TMCO5A: variants seen among roughly 807,000 people sequenced by gnomAD.
TMCO5A encodes the protein transmembrane and coiled-coil domain-containing protein 5A.
TMCO5A carries 34 observed loss-of-function variants against 42.3 expected under a neutral mutation model. The ratio of observed to expected loss-of-function variants is 0.80; its 90% CI spans 0.61 to 1.07. The LOEUF is 1.07. TMCO5A is among the 50% of genes least tolerant of loss of function. The pLI is 0.00. For synonymous variants in TMCO5A, 131 were observed against 115.6 expected, an observed-to-expected ratio of 1.13 and a Z score of -0.86; for missense variants, 357 against 327.9, an observed-to-expected ratio of 1.09 and a Z score of -0.69.
At chr15:37,936,704 C>A in intron 3 of TMCO5A, 143 bp from the exon 4 acceptor site, 2 of 1,255,644 alleles carry the variant, frequency 1.6e-6, no homozygotes. Context: ...GGTCTTCCTG[C>A]TTTATGGATT....
chr15:37,952,486 T>C (rs1890185148), downstream of TMCO5A, among the ~76,000 whole-genome samples: 1 of 152,110 alleles, frequency 6.6e-6, no homozygotes, highest in Admixed American at 6.6e-5. Flanking sequence ...GGGAGCCTGC[T>C]ACTTTGAAGA....
chr15:37,978,913 TG>T, the TMCO5A span, among the ~76,000 whole-genome samples: 1 of 151,862 alleles, frequency 6.6e-6, no homozygotes, highest in Non-Finnish European at 1.5e-5. Context: ...GGCATCTTAA[TG>T]GCAGGAGCAG....
chr15:38,007,011 T>G, the TMCO5A span, among the ~76,000 whole-genome samples: 2 of 152,150 alleles, frequency 1.3e-5, no homozygotes, highest in African/African-American at 4.8e-5. Context: ...AAAACTTTAT[T>G]CAGCAATGCT....
At chr15:38,036,904 A>G in the TMCO5A span, among the ~76,000 whole-genome samples, 5 of 152,190 alleles carry the variant, frequency 3.3e-5, no homozygotes, top group African/African-American at 9.7e-5. Flanking sequence ...ACGAGGTGAC[A>G]TGATTGTTAG....
In TMCO5A at chr15:37,951,067, T is replaced by A; in HGVS notation, c.700T>A (p.Phe234Ile). Residue 234 changes from phenylalanine to isoleucine, a missense_variant, in exon 12 of 12, where the codon TTT becomes ATT. Transcript: ENST00000319669. ...IFCCLFFITL[F>I]FIRLLSYMFF... ...TTGCTGTCTCTTTTTCATCACCCTA[T>A]TTTTCATCAGACTGCTGAGCTACAT... 6.2e-7 allele frequency: 1 copy of A among 1,612,756 alleles called. No individual in the cohort carries two copies. The highest frequency in any genetic ancestry group is 8.5e-7 in the Non-Finnish European group (1 of 1,179,848).
chr15:37,960,556 T>C (rs372756978), intron 11 of TMCO5A, among the ~76,000 whole-genome samples: 1 of 152,134 alleles, frequency 6.6e-6, no homozygotes, highest in African/African-American at 2.4e-5. Flanking sequence ...AGTAGTGGAA[T>C]TGCTGGATCA....
At chr15:37,970,814 G>C (rs1052306682), downstream of TMCO5A, among the ~76,000 whole-genome samples, 5 of 151,898 alleles carry the variant, frequency 3.3e-5, no homozygotes, top group African/African-American at 1.2e-4. Flanking sequence ...GATCTCCTTT[G>C]ATTCCATGTC....
At chr15:38,024,681 G>A in the TMCO5A span, 1 of 152,216 alleles carries the variant, frequency 6.6e-6, no homozygotes, top group Non-Finnish European at 1.5e-5. Flanking sequence ...CCCCCTTAAG[G>A]AGATCTCATC....
the TMCO5A span, among the ~76,000 whole-genome samples, chr15:37,991,266 C>T: frequency 6.6e-6 from 1 of 152,256 alleles, no homozygotes; most frequent in South Asian, 2.1e-4. Flanking sequence ...TTTCAACCTA[C>T]AGGACTCCTT....
At chr15:37,943,871 G>A (rs58862135) in intron 10 of TMCO5A, 2,494 of 155,116 alleles carry the variant, frequency 0.016, 76 homozygotes, top group African/African-American at 0.057. Flanking sequence ...TTGCTTCTTT[G>A]TGACAGAGTT....
At chr15:37,936,498 T>A in intron 3 of TMCO5A, 35 bp downstream of exon 3, 3 of 1,592,366 alleles carry the variant, frequency 1.9e-6, no homozygotes, top group Non-Finnish European at 2.6e-6. Flanking sequence ...AAGTTCCCAA[T>A]CCAAAGAAGG....
the TMCO5A span, among the ~76,000 whole-genome samples, chr15:38,029,017 T>C: frequency 6.6e-6 from 1 of 152,188 alleles, no homozygotes; most frequent in African/African-American, 2.4e-5. Context: ...GAGCTTGGGA[T>C]TCTAGAGAAA....
chr15:38,018,311 A>AG, the TMCO5A span, among the ~76,000 whole-genome samples: 1 of 152,218 alleles, frequency 6.6e-6, no homozygotes, highest in South Asian at 2.1e-4. Flanking sequence ...AGAGCGTTAA[A>AG]GCAAGAAATA....
intron 10 of TMCO5A, chr15:37,943,693 T>C (rs1040581854): frequency 1.5e-5 from 5 of 339,812 alleles, no homozygotes; most frequent in Middle Eastern, 8.5e-4. Context: ...GTATGCTCTA[T>C]AGAAAGAGGC....
At chr15:38,021,574 C>G in the TMCO5A span, among the ~76,000 whole-genome samples, 1 of 151,980 alleles carries the variant, frequency 6.6e-6, no homozygotes, top group Non-Finnish European at 1.5e-5. Context: ...TAAGTTTTAG[C>G]TATTTGTCCA....
chr15:37,946,353 T>A (rs191612117), intron 10 of TMCO5A, among the ~76,000 whole-genome samples: 1 of 152,146 alleles, frequency 6.6e-6, no homozygotes, highest in African/African-American at 2.4e-5. Context: ...AGGGCTCTTT[T>A]TGGTTCCACA....
At chr15:38,033,744 G>A in the TMCO5A span, among the ~76,000 whole-genome samples, 2 of 152,028 alleles carry the variant, frequency 1.3e-5, no homozygotes, top group Non-Finnish European at 2.9e-5. Context: ...CTCCTGAGTA[G>A]CTGGGATTAC....
chr15:37,965,430 C>T (rs1273261854), intron 11 of TMCO5A, among the ~76,000 whole-genome samples: 1 of 152,154 alleles, frequency 6.6e-6, no homozygotes, highest in Admixed American at 6.6e-5. Flanking sequence ...AGCTATAAAG[C>T]TTCTGCACAG....
the TMCO5A span, among the ~76,000 whole-genome samples, chr15:37,974,617 T>C: frequency 1.3e-5 from 2 of 152,048 alleles, no homozygotes; most frequent in African/African-American, 4.8e-5. Context: ...TTATTTCTGA[T>C]TGTGTTTATT....
Sources: gnomAD v4.1 joint callset for allele counts (sites outside exome capture counted in the v4.1 genomes callset) on GRCh38, gnomAD v4.1.1 for gene constraint, MANE v1.5 for transcripts, NCBI Gene and HGNC (gene_info 2026-07-23, HGNC 2026-07-21) for gene names.